The following SIAH3 variants were observed in gnomAD, a reference collection of about 807,000 sequenced individuals.
The protein encoded by SIAH3 is seven in absentia homolog 3.
SIAH3 carries 9 observed loss-of-function variants against 12.6 expected under a neutral mutation model. That is an observed-to-expected ratio of 0.72 (90% CI 0.43 to 1.25). The LOEUF is 1.25. Ranked by LOEUF, SIAH3 falls within the 50% of genes most tolerant of loss-of-function variation. The pLI, the probability that SIAH3 is intolerant of heterozygous loss-of-function variation, is 0.00. For synonymous variants in SIAH3, 154 were observed against 151.1 expected (o/e 1.02, Z -0.14); for missense variants, 390 against 365.4 (o/e 1.07, Z -0.55).
intron 1 of SIAH3, among the ~76,000 whole-genome samples, chr13:45,845,276 C>T (rs368695227): frequency 0.014 from 2,115 of 148,230 alleles, 42 homozygotes; most frequent in African/African-American, 0.05. Context: ...GTGTTAAAAA[C>T]GCTGAAACTT....
At chr13:45,821,861 G>A (rs1950656925) in intron 1 of SIAH3, among the ~76,000 whole-genome samples, 1 of 152,192 alleles carries the variant, frequency 6.6e-6, no homozygotes, top group Admixed American at 6.5e-5. Flanking sequence ...TGAAATATCT[G>A]GAGGTTCTTT....
In SIAH3 at chr13:45,783,549, T is replaced by G. The variant is rs777476433; in HGVS notation, c.644A>C (p.Glu215Ala). Residue 215 changes from glutamate to alanine, a missense_variant, in exon 2 of 2, where the codon GAG becomes GCG. Glu to Ala is a moderately radical substitution (Grantham distance 107, BLOSUM62 -1). Coordinates refer to ENST00000400405, the MANE Select transcript of SIAH3 (RefSeq NM_198849.3). ...CTCAAGAACAGACCGGGGCGTGGCC[T>G]CCCACTTGAGGCGCCGATGGTTTCT... ...LNRNHRRLKW[E>A]ATPRSVLECV... The G allele has an allele frequency of 3.7e-6, 6 of 1,614,080 alleles. No individual in the cohort carries two copies. The highest frequency in any genetic ancestry group is 8.5e-7 in the Non-Finnish European group (1 of 1,180,038).
rs188717239 is a variant in SIAH3 at position 45,781,176 on chromosome 13, C to T, written c.*2207G>A. The stretch of plus-strand genomic sequence containing the variant: ...GTGTGGCTCAGGTAACTTGGCACAA[C>T]CAGAAGGCAAAGGTGATGTCTGCAG... On this transcript the variant is annotated 3_prime_UTR_variant, in exon 2 of 2. Transcript: ENST00000400405. 4 of 152,612 alleles carry T rather than the reference C, an allele frequency of 2.6e-5. No individual in the cohort carries two copies. Among genetic ancestry groups the T allele is most frequent in the Admixed American group, 1.3e-4 (2 of 15,290 alleles). 9.5% of individuals were successfully genotyped at this position (152,612 alleles called of 1,614,324 possible).
intron 1 of SIAH3, among the ~76,000 whole-genome samples, chr13:45,814,754 C>T (rs986300421): frequency 2.9e-5 from 4 of 139,356 alleles, no homozygotes; most frequent in Non-Finnish European, 4.4e-5. Context: ...GAGACAGAGG[C>T]TCCCTCTCTT....
intron 1 of SIAH3, among the ~76,000 whole-genome samples, chr13:45,813,342 G>A (rs565594863): frequency 6.6e-6 from 1 of 152,256 alleles, no homozygotes; most frequent in East Asian, 1.9e-4. Context: ...GAGGCTGTCT[G>A]GCCTCCCCAG....
chr13:45,851,559 G>GC lies in SIAH3; in HGVS notation c.70dup (p.Ala24GlyfsTer2). On this transcript the variant is annotated frameshift_variant, in exon 1 of 2. Transcript: ENST00000400405. LOFTEE classifies it high-confidence loss of function. ...CCCGGCAGCGGAGAAAACCCGTTTA[G>GC]CCTTGTAGTGCTGAAACCGGAGATG... The GC allele has an allele frequency of 6.2e-7, 1 of 1,614,184 alleles. No individual in the cohort carries two copies. Among genetic ancestry groups the GC allele is most frequent in the Non-Finnish European group, 8.5e-7 (1 of 1,180,042 alleles).
intron 1 of SIAH3, among the ~76,000 whole-genome samples, chr13:45,845,359 G>A (rs552461308): frequency 6.9e-4 from 105 of 152,182 alleles, no homozygotes; most frequent in African/African-American, 2.2e-3. Flanking sequence ...AGATCTCGGC[G>A]GTTTGGGTGA....
intron 1 of SIAH3, among the ~76,000 whole-genome samples, chr13:45,803,649 T>C (rs1171313816): frequency 6.6e-6 from 1 of 152,112 alleles, no homozygotes; most frequent in Non-Finnish European, 1.5e-5. Flanking sequence ...TACAAATAGT[T>C]CAGCAATCCT....
At chr13:45,807,766 C>T (rs541127447) in intron 1 of SIAH3, among the ~76,000 whole-genome samples, 1 of 152,266 alleles carries the variant, frequency 6.6e-6, no homozygotes, top group East Asian at 1.9e-4. Flanking sequence ...AAAGAATGCC[C>T]TCCAAATCGA....
At chr13:45,815,504 TTAAAA>T (rs1451251292) in intron 1 of SIAH3, among the ~76,000 whole-genome samples, 2 of 152,226 alleles carry the variant, frequency 1.3e-5, no homozygotes, top group Non-Finnish European at 2.9e-5. Context: ...AGCCAATTTC[TTAAAA>T]TAAATCTCTC....
At chr13:45,794,024 C>A (rs924435824) in intron 1 of SIAH3, among the ~76,000 whole-genome samples, 4 of 151,938 alleles carry the variant, frequency 2.6e-5, no homozygotes, top group African/African-American at 9.7e-5. Flanking sequence ...AACACCTGGA[C>A]CCACTGGAAC....
chr13:45,827,945 T>C (rs1950684783), intron 1 of SIAH3, among the ~76,000 whole-genome samples: 1 of 152,226 alleles, frequency 6.6e-6, no homozygotes, highest in African/African-American at 2.4e-5. Context: ...CCCAATTTAA[T>C]GCACTACTGT....
intron 1 of SIAH3, among the ~76,000 whole-genome samples, chr13:45,828,666 C>T (rs1407757893): frequency 1.3e-5 from 2 of 152,182 alleles, no homozygotes; most frequent in Non-Finnish European, 2.9e-5. Flanking sequence ...GAATCAAATG[C>T]ACCCAGGACC....
At chr13:45,815,712 G>A (rs1349533873) in intron 1 of SIAH3, among the ~76,000 whole-genome samples, 1 of 152,174 alleles carries the variant, frequency 6.6e-6, no homozygotes, top group South Asian at 2.1e-4. Flanking sequence ...GATGATTACA[G>A]TTGTTCACTC....
intron 1 of SIAH3, among the ~76,000 whole-genome samples, chr13:45,828,981 C>G (rs897254318): frequency 2.0e-5 from 3 of 151,946 alleles, no homozygotes; most frequent in South Asian, 2.1e-4. Flanking sequence ...AAAAATCCAC[C>G]CTTTTCAAAG....
intron 1 of SIAH3, among the ~76,000 whole-genome samples, chr13:45,817,523 A>G (rs992020086): frequency 6.6e-6 from 1 of 152,228 alleles, no homozygotes; most frequent in Non-Finnish European, 1.5e-5. Flanking sequence ...GATATCCTGG[A>G]TTCTATCCGG....
intron 1 of SIAH3, among the ~76,000 whole-genome samples, chr13:45,823,285 TACAGCTGGA>T (rs1950662864): frequency 6.6e-6 from 1 of 152,140 alleles, no homozygotes; most frequent in African/African-American, 2.4e-5. Context: ...GGTGGGCACC[TACAGCTGGA>T]GTTCTGTAAA....
chr13:45,830,248 T>C (rs1413626655), intron 1 of SIAH3, among the ~76,000 whole-genome samples: 1 of 152,212 alleles, frequency 6.6e-6, no homozygotes, highest in Non-Finnish European at 1.5e-5. Flanking sequence ...CACCTGAGCC[T>C]GTACATCCAA....
chr13:45,810,509 A>C (rs1529881), intron 1 of SIAH3, among the ~76,000 whole-genome samples: 54,938 of 152,016 alleles, frequency 0.36, 10,621 homozygotes, highest in Non-Finnish European at 0.41. Flanking sequence ...GGAATTGGAG[A>C]AAATCACCCT....
Sources: allele counts gnomAD v4.1 joint callset (sites outside exome capture counted in the v4.1 genomes callset), GRCh38; gene constraint gnomAD v4.1.1; transcripts MANE v1.5; gene names NCBI Gene and HGNC (gene_info 2026-07-23, HGNC 2026-07-21).